The following PIK3C2G variants were observed in gnomAD, a reference collection of about 807,000 sequenced individuals.
The protein encoded by PIK3C2G is phosphatidylinositol-4-phosphate 3-kinase catalytic subunit type 2 gamma, also known as phosphatidylinositol 3-kinase C2 domain-containing subunit gamma.
Under a neutral mutation model 181.1 loss-of-function variants are expected in PIK3C2G, and 168 were observed. The observed-to-expected ratio is 0.93, with a 90% CI of 0.82 to 1.05. The LOEUF is 1.05. PIK3C2G is among the 50% of genes least tolerant of loss of function. The pLI is 0.00. For synonymous variants in PIK3C2G, 573 were observed against 592.2 expected, an observed-to-expected ratio of 0.97 and a Z score of 0.47; for missense variants, 1,869 against 1,732.8, an observed-to-expected ratio of 1.08 and a Z score of -1.40.
downstream of PIK3C2G, among the ~76,000 whole-genome samples, chr12:18,651,302 GCC>G (rs1353378660): frequency 6.6e-5 from 10 of 152,044 alleles, no homozygotes; most frequent in Middle Eastern, 3.4e-3. Flanking sequence ...CTCCGTCTCT[GCC>G]CTGCCTACCT....
At chr12:18,243,305 C>T (rs1413166292), upstream of PIK3C2G, among the ~76,000 whole-genome samples, 1 of 151,086 alleles carries the variant, frequency 6.6e-6, no homozygotes, top group Non-Finnish European at 1.5e-5. Flanking sequence ...ACTACATTTG[C>T]AGGTGTTGGG....
intron 2 of PIK3C2G, among the ~76,000 whole-genome samples, chr12:18,285,047 T>G (rs1172512093): frequency 6.6e-6 from 1 of 151,924 alleles, no homozygotes; most frequent in African/African-American, 2.4e-5. Context: ...ATAGAATAAA[T>G]GCAAAGACAG....
chr12:18,314,231 C>T (rs566453090), intron 6 of PIK3C2G, among the ~76,000 whole-genome samples, 167 bp downstream of exon 6: 3 of 152,068 alleles, frequency 2.0e-5, no homozygotes, highest in South Asian at 4.2e-4. Context: ...AATATAAATA[C>T]CTGTTAATGA....
At chr12:18,693,813 G>A in the PIK3C2G span, 5 of 1,521,494 alleles carry the variant, frequency 3.3e-6, no homozygotes, top group Admixed American at 5.0e-5. Context: ...AGACCAGGCC[G>A]CATTGGCAGG....
chr12:18,625,741 C>G (rs1949068691), intron 31 of PIK3C2G, among the ~76,000 whole-genome samples: 1 of 151,868 alleles, frequency 6.6e-6, no homozygotes, highest in Non-Finnish European at 1.5e-5. Context: ...GCTATGCCCT[C>G]TTGATGAATT....
At chr12:18,289,813 T>G (rs1949611151) in intron 3 of PIK3C2G, among the ~76,000 whole-genome samples, 1 of 152,216 alleles carries the variant, frequency 6.6e-6, no homozygotes, top group South Asian at 2.1e-4. Flanking sequence ...AGCTATTAGG[T>G]TTGTGCAAAA....
At chr12:18,616,562 A>C (rs1020369522) in intron 31 of PIK3C2G, among the ~76,000 whole-genome samples, 1 of 152,084 alleles carries the variant, frequency 6.6e-6, no homozygotes. Flanking sequence ...AATGTTCAAA[A>C]ACCCTGAACA....
chr12:18,641,396 G>A (rs907203058), intron 32 of PIK3C2G, among the ~76,000 whole-genome samples: 1 of 152,030 alleles, frequency 6.6e-6, no homozygotes, highest in Non-Finnish European at 1.5e-5. Context: ...GAGCCCTCAG[G>A]CTCTCGTGCC....
At chr12:18,405,652 T>C (rs1944487855) in intron 16 of PIK3C2G, among the ~76,000 whole-genome samples, 1 of 152,110 alleles carries the variant, frequency 6.6e-6, no homozygotes, top group Non-Finnish European at 1.5e-5. Flanking sequence ...TTTCAAAGGC[T>C]TTAAAGAAGT....
Position 18,573,632 on chromosome 12 carries a change from T to G in PIK3C2G, c.4011+6575T>G, listed in dbSNP as rs191193551. On this transcript the variant is annotated intron_variant, in intron 29 of 32. Transcript: ENST00000538779. The stretch of plus-strand genomic sequence containing the variant: ...TCCAGCAAAGTTTAAAAAGCAAATG[T>G]CTAGCTGTTTCAATTATTCTCATTA... Among the ~76,000 whole-genome samples, 5 of 152,324 alleles carry G rather than the reference T, an allele frequency of 3.3e-5. No individual in the cohort carries two copies. The East Asian group carries it at 7.7e-4, about 23-fold the overall frequency.
the PIK3C2G span, chr12:18,695,149 C>T: frequency 1.4e-6 from 2 of 1,429,938 alleles, no homozygotes; most frequent in Non-Finnish European, 2.0e-6. Flanking sequence ...AAACCACTTA[C>T]TGAAATCTAA....
chr12:18,254,471 C>T (rs943803173), intron 1 of PIK3C2G, among the ~76,000 whole-genome samples: 3 of 151,830 alleles, frequency 2.0e-5, no homozygotes, highest in African/African-American at 7.2e-5. Context: ...TATTTATAAA[C>T]ATATATATTT....
the PIK3C2G span, among the ~76,000 whole-genome samples, chr12:18,692,295 C>G: frequency 6.6e-6 from 1 of 152,110 alleles, no homozygotes; most frequent in African/African-American, 2.4e-5. Flanking sequence ...CATAGCCACT[C>G]TATTGATTTG....
Position 18,647,882 on chromosome 12 carries a change from T to A in PIK3C2G, c.4315T>A (p.Tyr1439Asn), listed in dbSNP as rs756183040. The A allele has an allele frequency of 1.2e-5, 18 of 1,543,002 alleles. No individual in the cohort carries two copies. In the Admixed American group the frequency reaches 1.9e-4, roughly 16 times the overall value. ...TTATTTTCTCCGTTTTTAGGTAGTA[T>A]ATGATGAAGTCACAGAGCTCCAAGG... ...TDPTYNEIVV[Y>N]DEVTELQGHV... Residue 1439 changes from tyrosine (Y) to asparagine (N), a missense_variant, in exon 33 of 33, where the codon TAT becomes AAT. Physicochemically the swap from Tyr to Asn is moderately radical, Grantham distance 143. Coordinates refer to ENST00000538779, the MANE Select transcript of PIK3C2G (RefSeq NM_001288772.2).
At chr12:18,672,025 G>T in the PIK3C2G span, among the ~76,000 whole-genome samples, 20 of 151,970 alleles carry the variant, frequency 1.3e-4, no homozygotes, top group Admixed American at 3.3e-4. Context: ...CCCACCAAAG[G>T]CCCCACCTAC....
At chr12:18,541,049 T>C (rs1944123676) in intron 25 of PIK3C2G, among the ~76,000 whole-genome samples, 2 of 152,122 alleles carry the variant, frequency 1.3e-5, no homozygotes, top group South Asian at 2.1e-4. Context: ...CTTATGTATG[T>C]AATCTATTCA....
intron 18 of PIK3C2G, among the ~76,000 whole-genome samples, chr12:18,485,285 T>C (rs533265635): frequency 2.0e-4 from 30 of 152,302 alleles, no homozygotes; most frequent in African/African-American, 7.0e-4. Context: ...TCCCTCATCA[T>C]GTGACCAGAA....
At chr12:18,322,473 G>C (rs1180280908) in intron 7 of PIK3C2G, among the ~76,000 whole-genome samples, 1 of 151,744 alleles carries the variant, frequency 6.6e-6, no homozygotes, top group Non-Finnish European at 1.5e-5. Context: ...TGTTTTTAGT[G>C]ACTATGTTGG....
intron 13 of PIK3C2G, among the ~76,000 whole-genome samples, chr12:18,375,243 G>T (rs572029909): frequency 2.0e-4 from 30 of 152,326 alleles, no homozygotes; most frequent in Non-Finnish European, 1.2e-4. Flanking sequence ...ACTCTGTAAA[G>T]GCTGACAAGG....
Sources: gnomAD v4.1 joint callset for allele counts (sites outside exome capture counted in the v4.1 genomes callset) on GRCh38, gnomAD v4.1.1 for gene constraint, MANE v1.5 for transcripts, NCBI Gene and HGNC (gene_info 2026-07-23, HGNC 2026-07-21) for gene names.